SHROOM2: variants seen among roughly 807,000 people sequenced by gnomAD.
SHROOM2 encodes protein Shroom2.
A neutral mutation model predicts 75.9 loss-of-function variants in SHROOM2; 33 were observed. The ratio of observed to expected loss-of-function variants is 0.43; its 90% CI spans 0.33 to 0.58. The LOEUF is 0.58. Ranked by LOEUF, SHROOM2 falls within the 20% of genes least tolerant of loss-of-function variation. SHROOM2 has a pLI of 0.04. For missense variants in SHROOM2, 1,434 were observed against 1,461.2 expected (o/e 0.98, Z 0.30); for synonymous variants, 655 against 663.6 (o/e 0.99, Z 0.20).
intron 1 of SHROOM2, among the ~76,000 whole-genome samples, chrX:9,855,662 G>C (rs1372725544): frequency 8.9e-6 from 1 of 111,996 alleles, no homozygotes; most frequent in East Asian, 2.8e-4. Flanking sequence ...CTTTGGAGCT[G>C]AGACTTTGCC....
At chrX:9,879,458 G>A (rs184576451) in intron 2 of SHROOM2, among the ~76,000 whole-genome samples, 11 of 110,812 alleles carry the variant, frequency 9.9e-5, no homozygotes, top group Non-Finnish European at 1.7e-4. Context: ...ATGGGGTTGC[G>A]CCATGTTGGC....
intron 6 of SHROOM2, among the ~76,000 whole-genome samples, chrX:9,936,100 C>CTTT (rs199560073): frequency 1.8e-5 from 2 of 108,904 alleles, no homozygotes; most frequent in African/African-American, 7.0e-5. Flanking sequence ...CATCCAGAAA[C>CTTT]TTTTCTTTTT....
chrX:9,898,274 G>A lies in SHROOM2; in HGVS notation c.2875G>A (p.Gly959Arg). 8.5e-7 allele frequency: 1 copy of A among 1,176,971 alleles called. No individual in the cohort carries two copies. The highest frequency in any genetic ancestry group is 1.1e-6 in the Non-Finnish European group (1 of 875,722). Residue 959 changes from glycine (G) to arginine (R), a missense_variant, in exon 5 of 10, where the codon GGA becomes AGA. By Grantham distance (125) the Gly-to-Arg change is moderately radical. Transcript: ENST00000380913. ...TCCCTCCGCAGTCCGGGCCGAGGAG[G>A]GACAGTCCACGCCGAGGTGGGTGAA... The part of the protein sequence containing the change: ...ELPSAVRAEE[G>R]QSTPRQADAQ...
chrX:9,841,046 C>T (rs2083976612), intron 1 of SHROOM2, among the ~76,000 whole-genome samples: 1 of 111,679 alleles, frequency 9.0e-6, no homozygotes, highest in Non-Finnish European at 1.9e-5. Context: ...ACCTCCACGT[C>T]CTGGGTTCAA....
chrX:9,873,831 A>G, intron 2 of SHROOM2, 28 bp downstream of exon 2: 1 of 1,199,998 alleles, frequency 8.3e-7, no homozygotes, highest in Middle Eastern at 2.4e-4. Flanking sequence ...TCCCACATTT[A>G]CCACGACACA....
chrX:9,795,353 TAATCTTTCCATTAAGTTTTAA>T (rs1251061963), intron 1 of SHROOM2, among the ~76,000 whole-genome samples: 1 of 112,032 alleles, frequency 8.9e-6, no homozygotes, highest in Non-Finnish European at 1.9e-5. Flanking sequence ...CATCATCTTC[TAATCTTTCCATTAAGTTTTAA>T]ATGTATGTCC....
rs780867063 is a variant in SHROOM2, at chrX:9,895,568, A to G, written c.1660A>G (p.Arg554Gly). ...GCSAGAQEPP[R>G]ASRAEKASQR... is the part of the protein sequence containing the mutation. ...CTCCGCGGGAGCCCAGGAGCCTCCC[A>G]GGGCCAGCCGTGCAGAAAAAGCCAG... The change falls in exon 4 of 10, where the codon AGG (arginine) becomes GGG (glycine). Residue 554 changes from arginine to glycine, a missense_variant. Transcript: ENST00000380913. The G allele has an allele frequency of 8.5e-6, 10 of 1,171,990 alleles. No homozygotes were observed. The South Asian group carries it at 1.5e-4, about 18-fold the overall frequency.
intron 5 of SHROOM2, among the ~76,000 whole-genome samples, chrX:9,921,607 T>A (rs1350955811): frequency 8.9e-6 from 1 of 111,934 alleles, no homozygotes; most frequent in Non-Finnish European, 1.9e-5. Flanking sequence ...CTCTCACCAA[T>A]ACCTCCCTGT....
chrX:9,911,369 A>T (rs2084424305), intron 5 of SHROOM2, among the ~76,000 whole-genome samples: 1 of 112,480 alleles, frequency 8.9e-6, no homozygotes, highest in Non-Finnish European at 1.9e-5. Flanking sequence ...GGGGGAAAAA[A>T]ATCTAAAATA....
intron 1 of SHROOM2, among the ~76,000 whole-genome samples, chrX:9,801,530 A>C (rs887299343): frequency 8.9e-6 from 1 of 112,693 alleles, no homozygotes; most frequent in Non-Finnish European, 1.9e-5. Context: ...GATATACTGT[A>C]AATTAAAATA....
chrX:9,792,647 C>G (rs66839669), intron 1 of SHROOM2, among the ~76,000 whole-genome samples: 13,257 of 109,250 alleles, frequency 0.12, 730 homozygotes, highest in Non-Finnish European at 0.16. Flanking sequence ...TCAACAAGAA[C>G]CCAGGCAGGG....
At chrX:9,917,267 G>A (rs911199337) in intron 5 of SHROOM2, among the ~76,000 whole-genome samples, 3 of 111,749 alleles carry the variant, frequency 2.7e-5, no homozygotes, top group African/African-American at 9.8e-5. Flanking sequence ...TTGCATAAGG[G>A]TGCTTGCCCC....
Position 9,900,802 on chromosome X carries a change from T to C in SHROOM2, c.2891+2512T>C, listed in dbSNP as rs182621903. On this transcript the variant is annotated intron_variant, in intron 5 of 9. Transcript: ENST00000380913. ...CCTGAGGGAGCAGACCCAGCACGTT[T>C]GCTTCCCTCCAGCTCTTCTGTCCTG... Among the ~76,000 whole-genome samples the C allele has an allele frequency of 4.5e-3, 501 of 111,050 alleles. 1 individual carries two copies. The highest frequency in any genetic ancestry group is 6.8e-3 in the Non-Finnish European group (358 of 52,962).
chrX:9,883,864 C>T (rs1180916627), intron 2 of SHROOM2, among the ~76,000 whole-genome samples: 1 of 110,812 alleles, frequency 9.0e-6, no homozygotes, highest in Admixed American at 9.5e-5. Context: ...CAGGTAAATT[C>T]CCTTCTCCCC....
intron 1 of SHROOM2, among the ~76,000 whole-genome samples, chrX:9,842,456 A>G (rs978676403): frequency 2.7e-5 from 3 of 112,121 alleles, no homozygotes; most frequent in Admixed American, 9.4e-5. Flanking sequence ...GCAGGTCTCC[A>G]CCTGCCCTGG....
chrX:9,937,077 A>G (rs1360836574), intron 6 of SHROOM2, 57 bp from the exon 7 acceptor site: 22 of 1,101,093 alleles, frequency 2.0e-5, no homozygotes, highest in South Asian at 6.5e-5. Context: ...GGACACGTCA[A>G]TCAGGGTCTG....
intron 1 of SHROOM2, among the ~76,000 whole-genome samples, chrX:9,846,580 C>T (rs774333752): frequency 8.9e-6 from 1 of 112,422 alleles, no homozygotes; most frequent in South Asian, 3.7e-4. Flanking sequence ...CAGGCATGAG[C>T]CATCACACCC....
chrX:9,881,918 A>G (rs948992453), intron 2 of SHROOM2, among the ~76,000 whole-genome samples: 1 of 112,252 alleles, frequency 8.9e-6, no homozygotes, highest in Non-Finnish European at 1.9e-5. Context: ...TTGAGTAACC[A>G]TGGGCTCTGG....
chrX:9,858,407 A>C (rs1037774924), intron 1 of SHROOM2, among the ~76,000 whole-genome samples: 3 of 112,772 alleles, frequency 2.7e-5, no homozygotes, highest in African/African-American at 9.7e-5. Flanking sequence ...GTTGCCTATC[A>C]GTTCTTTCAG....
Sources: gnomAD v4.1 joint callset for allele counts (sites outside exome capture counted in the v4.1 genomes callset) on GRCh38, gnomAD v4.1.1 for gene constraint, MANE v1.5 for transcripts, NCBI Gene and HGNC (gene_info 2026-07-23, HGNC 2026-07-21) for gene names.